The following CCSER1 variants were observed in gnomAD, a reference collection of about 807,000 sequenced individuals.
The protein encoded by CCSER1 is coiled-coil serine rich protein 1, also known as serine-rich coiled-coil domain-containing protein 1.
In CCSER1, 41 loss-of-function variants were observed where a neutral mutation model predicts 82.0. That is an observed-to-expected ratio of 0.50 (90% CI 0.39 to 0.65). CCSER1 has a LOEUF of 0.65. CCSER1 is among the 30% of genes least tolerant of loss of function. The probability of loss-of-function intolerance (pLI) is 0.00; values close to 1 mark genes in which losing one functional copy is unlikely to be tolerated. For missense variants in CCSER1, 1,119 were observed against 1,064.2 expected (o/e 1.05, Z -0.72); for synonymous variants, 414 against 383.9 (o/e 1.08, Z -0.92).
chr4:90,479,207 A>G (rs1765532055), intron 5 of CCSER1, among the ~76,000 whole-genome samples: 1 of 152,116 alleles, frequency 6.6e-6, no homozygotes, highest in Admixed American at 6.5e-5. Context: ...ATAAATCAAC[A>G]TAATATAAAG....
chr4:90,382,080 G>T (rs1338128006), intron 3 of CCSER1, among the ~76,000 whole-genome samples: 6 of 151,994 alleles, frequency 3.9e-5, no homozygotes, highest in African/African-American at 1.4e-4. Context: ...AATTTTTTGA[G>T]TGATTTGGAT....
At chr4:90,173,320 C>T (rs549770860) in intron 1 of CCSER1, among the ~76,000 whole-genome samples, 1 of 146,604 alleles carries the variant, frequency 6.8e-6, no homozygotes, top group East Asian at 2.2e-4. Flanking sequence ...AAGTATTGAT[C>T]TGCAATTGTG....
intron 1 of CCSER1, among the ~76,000 whole-genome samples, chr4:90,219,344 GATTA>G (rs1375967192): frequency 6.6e-6 from 1 of 152,138 alleles, no homozygotes; most frequent in Non-Finnish European, 1.5e-5. Flanking sequence ...GGAAAGAAAT[GATTA>G]ATTCTCTTAT....
At chr4:91,056,817 A>T (rs1743492155) in intron 9 of CCSER1, among the ~76,000 whole-genome samples, 2 of 152,012 alleles carry the variant, frequency 1.3e-5, no homozygotes, top group Non-Finnish European at 2.9e-5. Flanking sequence ...ACCTTTTTAG[A>T]TTTCTTCCAA....
intron 10 of CCSER1, among the ~76,000 whole-genome samples, chr4:91,176,544 A>G (rs551100151): frequency 6.6e-6 from 1 of 152,138 alleles, no homozygotes; most frequent in Non-Finnish European, 1.5e-5. Context: ...CATCCCTTGT[A>G]AGTTGGATTC....
chr4:90,947,455 C>T (rs1406817921), intron 9 of CCSER1, among the ~76,000 whole-genome samples: 1 of 152,104 alleles, frequency 6.6e-6, no homozygotes, highest in African/African-American at 2.4e-5. Flanking sequence ...ACATTATTTA[C>T]ACCATATTCT....
intron 1 of CCSER1, among the ~76,000 whole-genome samples, chr4:90,270,417 C>T (rs1305988986): frequency 6.6e-6 from 1 of 151,974 alleles, no homozygotes; most frequent in African/African-American, 2.4e-5. Context: ...ACCATATGAT[C>T]ATTTCAATTG....
At chr4:90,450,637 T>C (rs1761317827) in intron 4 of CCSER1, among the ~76,000 whole-genome samples, 1 of 152,190 alleles carries the variant, frequency 6.6e-6, no homozygotes, top group Admixed American at 6.5e-5. Flanking sequence ...CCCTGGTCTT[T>C]TACTAAAGTG....
chr4:91,218,330 C>G lies in CCSER1; in HGVS notation c.2217+132336C>G, dbSNP rs113432125. Among the ~76,000 whole-genome samples the G allele has an allele frequency of 2.8e-3, 421 of 152,320 alleles. 3 individuals carry two copies. Among genetic ancestry groups the G allele is most frequent in the Admixed American group, 6.2e-3 (95 of 15,310 alleles). On this transcript the variant is annotated intron_variant, in intron 10 of 10. Coordinates refer to ENST00000509176, the MANE Select transcript of CCSER1 (RefSeq NM_001145065.2). ...GGCCCGCAAGGGCCGCACGCAGCCC[C>G]GGTTCCTGCTCGTGCCTCTCCCTCC...
intron 10 of CCSER1, among the ~76,000 whole-genome samples, chr4:91,381,376 A>G (rs1186278781): frequency 6.6e-6 from 1 of 152,164 alleles, no homozygotes; most frequent in Non-Finnish European, 1.5e-5. Context: ...CGTCACTTTC[A>G]GGTACACCAA....
At chr4:91,434,976 C>CTGT (rs1298877759) in intron 10 of CCSER1, among the ~76,000 whole-genome samples, 5 of 151,992 alleles carry the variant, frequency 3.3e-5, no homozygotes, top group South Asian at 2.1e-4. Flanking sequence ...CCGTAGAGTT[C>CTGT]TGTTGTTGTT....
chr4:90,242,438 C>T (rs562471428), intron 1 of CCSER1, among the ~76,000 whole-genome samples: 7 of 151,786 alleles, frequency 4.6e-5, no homozygotes, highest in East Asian at 1.9e-4. Flanking sequence ...TACTATAGTA[C>T]GAAGAAATGT....
intron 3 of CCSER1, among the ~76,000 whole-genome samples, chr4:90,355,952 G>T (rs1744301811): frequency 6.6e-6 from 1 of 151,864 alleles, no homozygotes; most frequent in African/African-American, 2.4e-5. Flanking sequence ...ATGTGAATTG[G>T]CTTATTTGGT....
chr4:91,437,077 T>C (rs1390559361), intron 10 of CCSER1, among the ~76,000 whole-genome samples: 3 of 152,196 alleles, frequency 2.0e-5, no homozygotes, highest in African/African-American at 4.8e-5. Context: ...CTAAAGAAAC[T>C]GAAGAGGCCA....
At chr4:90,991,068 A>C (rs1314455329) in intron 9 of CCSER1, among the ~76,000 whole-genome samples, 1 of 151,818 alleles carries the variant, frequency 6.6e-6, no homozygotes, top group Admixed American at 6.6e-5. Context: ...ACACGCAGTC[A>C]GGTAGTATTG....
intron 1 of CCSER1, among the ~76,000 whole-genome samples, chr4:90,176,225 CAAA>C (rs1462124957): frequency 6.6e-6 from 1 of 151,902 alleles, no homozygotes; most frequent in Non-Finnish European, 1.5e-5. Flanking sequence ...CAGAGAGCAC[CAAA>C]CAGTCTTCAG....
At chr4:90,916,206 A>C (rs1298587885) in intron 8 of CCSER1, among the ~76,000 whole-genome samples, 2 of 152,168 alleles carry the variant, frequency 1.3e-5, no homozygotes, top group South Asian at 2.1e-4. Flanking sequence ...CGCATTGCCA[A>C]GTCAATCCTA....
At chr4:91,218,202 A>G (rs1376198724) in intron 10 of CCSER1, among the ~76,000 whole-genome samples, 1 of 152,164 alleles carries the variant, frequency 6.6e-6, no homozygotes, top group Non-Finnish European at 1.5e-5. Context: ...CTTGGCAGCC[A>G]CTGGCCCGGG....
chr4:90,260,519 C>CT (rs144091975), intron 1 of CCSER1, among the ~76,000 whole-genome samples: 6,804 of 151,866 alleles, frequency 0.045, 394 homozygotes, highest in African/African-American at 0.13. Context: ...TGTTCTTTGT[C>CT]TTTTTTTTAC....
Sources: allele counts gnomAD v4.1 joint callset (sites outside exome capture counted in the v4.1 genomes callset), GRCh38; gene constraint gnomAD v4.1.1; transcripts MANE v1.5; gene names NCBI Gene and HGNC (gene_info 2026-07-23, HGNC 2026-07-21).